Variants in PAPPA observed in about 807,000 individuals in gnomAD.
PAPPA encodes the protein pappalysin-1.
PAPPA carries 60 observed loss-of-function variants against 164.0 expected under a neutral mutation model. That is an observed-to-expected ratio of 0.37 (90% CI 0.30 to 0.45). The LOEUF is 0.45. PAPPA is among the 20% of genes least tolerant of loss of function. The probability of loss-of-function intolerance (pLI) is 1.00; values close to 1 mark genes in which losing one functional copy is unlikely to be tolerated. For missense variants in PAPPA, 1,782 were observed against 2,087.3 expected, an observed-to-expected ratio of 0.85 and a Z score of 2.85; for synonymous variants, 875 against 814.1, an observed-to-expected ratio of 1.07 and a Z score of -1.27.
At chr9:116,345,717 CAG>C (rs1846198947) in intron 14 of PAPPA, among the ~76,000 whole-genome samples, 1 of 152,152 alleles carries the variant, frequency 6.6e-6, no homozygotes, top group African/African-American at 2.4e-5. Context: ...CTCCCTCAGA[CAG>C]TCATCAAAGG....
chr9:116,298,155 T>C (rs1215774901), intron 9 of PAPPA, among the ~76,000 whole-genome samples: 3 of 152,196 alleles, frequency 2.0e-5, no homozygotes, highest in Non-Finnish European at 1.5e-5. Flanking sequence ...TCTCTGTGCA[T>C]CTTAAGTAGT....
chr9:116,297,375 G>A (rs773276895), intron 9 of PAPPA, among the ~76,000 whole-genome samples: 2 of 152,232 alleles, frequency 1.3e-5, no homozygotes, highest in African/African-American at 4.8e-5. Flanking sequence ...AAACTGATGA[G>A]AGTCAATGTG....
At chr9:116,174,916 G>A (rs550128838) in intron 1 of PAPPA, among the ~76,000 whole-genome samples, 7 of 152,142 alleles carry the variant, frequency 4.6e-5, no homozygotes, top group South Asian at 4.1e-4. Flanking sequence ...ACAAGTTCCC[G>A]TCTTATTACC....
At chr9:116,156,318 G>GTGTATATATATATGTGTATATATATA (rs1843602431) in intron 1 of PAPPA, among the ~76,000 whole-genome samples, 1 of 95,106 alleles carries the variant, frequency 1.1e-5, no homozygotes, top group Admixed American at 9.3e-5. Flanking sequence ...ATATATATGT[G>GTGTATATATATATGTGTATATATATA]TGTATATATA....
At chr9:116,301,984 A>C (rs1290411086) in intron 9 of PAPPA, among the ~76,000 whole-genome samples, 2 of 152,204 alleles carry the variant, frequency 1.3e-5, no homozygotes, top group African/African-American at 2.4e-5. Flanking sequence ...TTGGAGTTAA[A>C]CAACCCCCAG....
intron 21 of PAPPA, among the ~76,000 whole-genome samples, chr9:116,388,923 T>C (rs1407293772): frequency 6.6e-6 from 1 of 152,146 alleles, no homozygotes; most frequent in Non-Finnish European, 1.5e-5. Context: ...AGAAAAGACA[T>C]TATACCCAAC....
chr9:116,377,544 C>G, intron 19 of PAPPA, 32 bp from the exon 20 acceptor site: 1 of 1,544,012 alleles, frequency 6.5e-7, no homozygotes, highest in African/African-American at 1.4e-5. Context: ...CAATCCCAAG[C>G]CCATCTGACC....
At position 116,187,106 on chromosome 9, in the gene PAPPA, C is replaced by G; in HGVS notation, c.416-48C>G. The stretch of plus-strand genomic sequence containing the variant: ...AGAGAAAAATAACTTAACCCCCCCT[C>G]CTTTTCCATCCTTTATTTATTCATC... On this transcript the variant is annotated intron_variant, in intron 1 of 21. Transcript: ENST00000328252. This position sits in a 1 kb window ranked among gnomAD's most constrained non-coding sequence, Gnocchi z 4.2. 12 of 1,361,614 alleles carry G rather than the reference C, an allele frequency of 8.8e-6. No individual in the cohort carries two copies. The highest frequency in any genetic ancestry group is 1.2e-5 in the Non-Finnish European group (12 of 962,222). 84.3% of individuals were successfully genotyped at this position (1,361,614 alleles called of 1,614,324 possible).
chr9:116,331,644 G>A (rs2273977), intron 11 of PAPPA, among the ~76,000 whole-genome samples: 40,427 of 152,072 alleles, frequency 0.27, 5,717 homozygotes, highest in Non-Finnish European at 0.32. Context: ...TCCTCCTTGA[G>A]CCTTTTACTG....
chr9:116,385,671 A>AGTT (rs1430623843), intron 21 of PAPPA, among the ~76,000 whole-genome samples: 5 of 152,230 alleles, frequency 3.3e-5, no homozygotes, highest in Non-Finnish European at 7.3e-5. Context: ...TTATAAATGT[A>AGTT]GTTAGGCTTT....
chr9:116,230,201 A>G (rs1275693251), intron 6 of PAPPA, among the ~76,000 whole-genome samples: 2 of 152,164 alleles, frequency 1.3e-5, no homozygotes, highest in Non-Finnish European at 2.9e-5. Context: ...AGAGCATCCT[A>G]TTACAGTCTC....
chr9:116,173,212 G>GT (rs1170142824), intron 1 of PAPPA, among the ~76,000 whole-genome samples: 4 of 151,904 alleles, frequency 2.6e-5, no homozygotes, highest in African/African-American at 9.7e-5. Flanking sequence ...GCCTTAAAGC[G>GT]TTTTTTGAGT....
chr9:116,236,359 C>T (rs540727320), intron 7 of PAPPA, among the ~76,000 whole-genome samples: 24 of 151,984 alleles, frequency 1.6e-4, no homozygotes, highest in South Asian at 6.2e-4. Flanking sequence ...CCGAGGCAGG[C>T]GGGTCACCTG....
rs569134170 is a variant in PAPPA, at chr9:116,155,640, C to T, written c.415+1053C>T. 2.6e-5 allele frequency among the ~76,000 whole-genome samples: 4 copies of T among 152,296 alleles called. No homozygotes were observed. The East Asian group carries it at 7.7e-4, about 29-fold the overall frequency. On this transcript the variant is annotated intron_variant, in intron 1 of 21. Coordinates refer to ENST00000328252, the MANE Select transcript of PAPPA (RefSeq NM_002581.5). ...GTGTGAAGGCGTTTTGCGATCCCAC[C>T]CCCTCACACACACACTTTCTTAGAA... is the stretch of plus-strand genomic sequence containing the variant.
At chr9:116,220,476 A>G (rs1844430340) in intron 5 of PAPPA, among the ~76,000 whole-genome samples, 2 of 148,526 alleles carry the variant, frequency 1.3e-5, no homozygotes, top group Non-Finnish European at 3.0e-5. Context: ...AAAAACATTT[A>G]TATTATATTA....
intron 13 of PAPPA, among the ~76,000 whole-genome samples, chr9:116,337,802 G>A (rs889168749): frequency 6.6e-6 from 1 of 152,016 alleles, no homozygotes; most frequent in African/African-American, 2.4e-5. Context: ...GAGGAGTCCT[G>A]TAGCAAAACC....
intron 19 of PAPPA, among the ~76,000 whole-genome samples, chr9:116,369,244 C>T (rs1564244631): frequency 6.6e-6 from 1 of 152,060 alleles, no homozygotes; most frequent in Non-Finnish European, 1.5e-5. Context: ...TCCACCATTC[C>T]TGAACCAGAA....
chr9:116,284,806 T>C (rs1196175377), intron 9 of PAPPA, among the ~76,000 whole-genome samples: 1 of 152,180 alleles, frequency 6.6e-6, no homozygotes. Flanking sequence ...CTTCCCATTT[T>C]ACTTTGAAAA....
At chr9:116,351,751 T>C (rs1011439439) in intron 15 of PAPPA, among the ~76,000 whole-genome samples, 5 of 152,180 alleles carry the variant, frequency 3.3e-5, no homozygotes, top group African/African-American at 1.2e-4. Flanking sequence ...ATAAATGAGA[T>C]TGCATATCAG....
Sources: allele counts gnomAD v4.1 joint callset (sites outside exome capture counted in the v4.1 genomes callset), GRCh38; gene constraint gnomAD v4.1.1; non-coding constraint Gnocchi (gnomAD v3.1); transcripts MANE v1.5; gene names NCBI Gene and HGNC (gene_info 2026-07-23, HGNC 2026-07-21).